Variants in LRMDA observed in about 807,000 individuals in gnomAD.
The protein encoded by LRMDA is leucine rich melanocyte differentiation associated, also known as leucine-rich melanocyte differentiation-associated protein.
In LRMDA, 18 loss-of-function variants were observed where a neutral mutation model predicts 29.8. That is an observed-to-expected ratio of 0.60 (90% CI 0.42 to 0.90). The LOEUF (loss-of-function observed/expected upper bound fraction) is 0.90, where lower values mean the gene tolerates loss of function less well. Among genes scored for constraint, LRMDA ranks in the 40% least tolerant of loss-of-function variants. The pLI is 0.00. For missense variants in LRMDA, 273 were observed against 273.9 expected, an observed-to-expected ratio of 1.00 and a Z score of 0.02; for synonymous variants, 125 against 109.4, an observed-to-expected ratio of 1.14 and a Z score of -0.89.
At chr10:75,481,546 C>T (rs1440698600) in intron 2 of LRMDA, among the ~76,000 whole-genome samples, 1 of 152,138 alleles carries the variant, frequency 6.6e-6, no homozygotes, top group Non-Finnish European at 1.5e-5. Flanking sequence ...CATCAACAAC[C>T]ATGTTAGTCC....
chr10:75,614,662 A>G (rs188533625), intron 2 of LRMDA, among the ~76,000 whole-genome samples: 9 of 152,184 alleles, frequency 5.9e-5, no homozygotes, highest in African/African-American at 1.9e-4. Context: ...CTGTGTTTAT[A>G]TATTTATCTG....
chr10:76,027,178 T>G (rs1190567813), intron 2 of LRMDA, among the ~76,000 whole-genome samples: 1 of 152,144 alleles, frequency 6.6e-6, no homozygotes, highest in South Asian at 2.1e-4. Flanking sequence ...CCTTTGAATC[T>G]GGCACCTGGA....
chr10:75,559,993 T>G (rs1840269752), intron 2 of LRMDA, among the ~76,000 whole-genome samples: 1 of 150,410 alleles, frequency 6.6e-6, no homozygotes, highest in African/African-American at 2.4e-5. Flanking sequence ...TTCTTTTGGC[T>G]TAGGATTGGC....
intron 1 of LRMDA, among the ~76,000 whole-genome samples, chr10:75,434,374 T>G (rs1004146584): frequency 6.6e-6 from 1 of 152,208 alleles, no homozygotes. Context: ...ATTGAATAGA[T>G]AACAAGCACA....
At chr10:76,115,752 G>A (rs1431247851) in intron 5 of LRMDA, among the ~76,000 whole-genome samples, 5 of 152,096 alleles carry the variant, frequency 3.3e-5, no homozygotes, top group African/African-American at 1.2e-4. Flanking sequence ...ATGTCCCCAA[G>A]GGCTATCTTG....
At chr10:75,552,679 C>G (rs1840167299) in intron 2 of LRMDA, 1 of 332,722 alleles carries the variant, frequency 3.0e-6, no homozygotes. Context: ...GCTTCCTTTT[C>G]TCTCTCTCCT....
intron 2 of LRMDA, among the ~76,000 whole-genome samples, chr10:75,468,150 T>G (rs1162118964): frequency 1.3e-5 from 2 of 152,098 alleles, no homozygotes; most frequent in Non-Finnish European, 2.9e-5. Flanking sequence ...CAGGCAAAAG[T>G]ATTTGATTTT....
At chr10:76,254,467 A>G (rs576653713) in intron 5 of LRMDA, among the ~76,000 whole-genome samples, 1 of 152,146 alleles carries the variant, frequency 6.6e-6, no homozygotes, top group African/African-American at 2.4e-5. Context: ...AGCAAATCCA[A>G]TCAAGAGTAT....
intron 6 of LRMDA, among the ~76,000 whole-genome samples, chr10:76,406,740 A>G (rs1841906023): frequency 6.6e-6 from 1 of 152,172 alleles, no homozygotes; most frequent in African/African-American, 2.4e-5. Context: ...GAAAGGAGGC[A>G]TACATGGTGA....
intron 5 of LRMDA, among the ~76,000 whole-genome samples, chr10:76,322,481 T>C (rs1050733140): frequency 2.4e-4 from 37 of 152,252 alleles, no homozygotes; most frequent in Non-Finnish European, 4.3e-4. Context: ...GTGCTGGTCA[T>C]AGAATGATGA....
intron 6 of LRMDA, among the ~76,000 whole-genome samples, chr10:76,454,952 G>A (rs1039399036): frequency 1.3e-5 from 2 of 152,214 alleles, no homozygotes. Context: ...TTTATTCCAT[G>A]TGACTTGAGA....
intron 6 of LRMDA, among the ~76,000 whole-genome samples, chr10:76,403,647 G>A (rs968829113): frequency 3.9e-5 from 6 of 152,034 alleles, no homozygotes; most frequent in Non-Finnish European, 5.9e-5. Flanking sequence ...TAATGAGTTC[G>A]AATTGTTGAT....
chr10:75,716,363 T>C (rs905765945), intron 2 of LRMDA, among the ~76,000 whole-genome samples: 3 of 152,204 alleles, frequency 2.0e-5, no homozygotes, highest in African/African-American at 7.2e-5. Flanking sequence ...TTGGACTTCT[T>C]ATGTTGCTAT....
At chr10:75,906,137 A>G (rs893763615) in intron 2 of LRMDA, among the ~76,000 whole-genome samples, 13 of 151,914 alleles carry the variant, frequency 8.6e-5, no homozygotes, top group African/African-American at 3.1e-4. Context: ...TGATCATAGT[A>G]TCTGTCCAGC....
chr10:75,665,298 C>T (rs914258606), intron 2 of LRMDA, among the ~76,000 whole-genome samples: 5 of 152,158 alleles, frequency 3.3e-5, no homozygotes, highest in Non-Finnish European at 5.9e-5. Flanking sequence ...CAGGCGATTT[C>T]CCCCACTGAG....
At position 75,990,065 on chromosome 10, in the gene LRMDA, T is replaced by C. The variant is rs552782320; in HGVS notation, c.132-45943T>C. ...AAGAAGCTATCCATTCTGCCGTTCA[T>C]TAAGACAGGTGACACAAGATGAAAT... is the stretch of plus-strand genomic sequence containing the variant. On this transcript the variant is annotated intron_variant, in intron 2 of 6. Transcript: ENST00000611255. 9.2e-5 allele frequency among the ~76,000 whole-genome samples: 14 copies of C among 152,330 alleles called. No homozygotes were observed. In the East Asian group the frequency reaches 2.7e-3, roughly 29 times the overall value.
At chr10:76,208,763 C>T (rs142828965) in intron 5 of LRMDA, among the ~76,000 whole-genome samples, 2 of 152,204 alleles carry the variant, frequency 1.3e-5, no homozygotes, top group Non-Finnish European at 2.9e-5. Context: ...CTATCCAGAC[C>T]ACCAATCCCA....
At chr10:75,826,631 A>T (rs1245317720) in intron 2 of LRMDA, among the ~76,000 whole-genome samples, 1 of 152,220 alleles carries the variant, frequency 6.6e-6, no homozygotes, top group African/African-American at 2.4e-5. Context: ...ATGTGGGCAG[A>T]TTAATGCACT....
At chr10:76,306,551 C>T (rs1840558764) in intron 5 of LRMDA, among the ~76,000 whole-genome samples, 1 of 152,160 alleles carries the variant, frequency 6.6e-6, no homozygotes, top group Non-Finnish European at 1.5e-5. Flanking sequence ...GACACATTGT[C>T]CTCATCCTCA....
Sources: allele counts gnomAD v4.1 joint callset (sites outside exome capture counted in the v4.1 genomes callset), GRCh38; gene constraint gnomAD v4.1.1; transcripts MANE v1.5; gene names NCBI Gene and HGNC (gene_info 2026-07-23, HGNC 2026-07-21).